Variants in DOCK9 observed in about 807,000 individuals in gnomAD.
DOCK9 encodes dedicator of cytokinesis 9.
In DOCK9, 89 loss-of-function variants were observed where a neutral mutation model predicts 263.3. The ratio of observed to expected loss-of-function variants is 0.34; its 90% CI spans 0.28 to 0.40. DOCK9 has a LOEUF of 0.40. Among genes scored for constraint, DOCK9 ranks in the 10% least tolerant of loss-of-function variants. DOCK9 has a pLI of 1.00. For missense variants in DOCK9, 2,140 were observed against 2,603.4 expected, an observed-to-expected ratio of 0.82 and a Z score of 3.87; for synonymous variants, 976 against 973.1, an observed-to-expected ratio of 1.00 and a Z score of -0.06.
chr13:98,921,898 T>C (rs1206060384), intron 6 of DOCK9, among the ~76,000 whole-genome samples, 153 bp downstream of exon 6: 10 of 152,258 alleles, frequency 6.6e-5, no homozygotes, highest in East Asian at 5.8e-4. Flanking sequence ...GCTGTGCCAA[T>C]GGGGGTGCTA....
intron 1 of DOCK9, among the ~76,000 whole-genome samples, chr13:99,034,356 A>G (rs1181228552): frequency 6.6e-6 from 1 of 152,166 alleles, no homozygotes; most frequent in African/African-American, 2.4e-5. Context: ...TGAAGCTCCC[A>G]GAGATTCCAC....
chr13:98,919,239 AG>A (rs1313625872), intron 7 of DOCK9, among the ~76,000 whole-genome samples: 2 of 151,954 alleles, frequency 1.3e-5, no homozygotes, highest in Admixed American at 6.6e-5. Flanking sequence ...CTTCCCAAGT[AG>A]CTGGGATTAC....
At chr13:98,820,494 T>A (rs1231731860) in intron 45 of DOCK9, among the ~76,000 whole-genome samples, 1 of 152,160 alleles carries the variant, frequency 6.6e-6, no homozygotes, top group African/African-American at 2.4e-5. Context: ...CAGTGCAAAG[T>A]AAAAGCAAGT....
chr13:98,892,725 G>C lies in DOCK9; in HGVS notation c.1710-4014C>G, dbSNP rs1206326302. ...ACTGTAAGCTACTTACGGCATATGA[G>C]GGCAATCACTTTCACAGAGTATGTA... On this transcript the variant is annotated intron_variant, in intron 15 of 52. Transcript: ENST00000682017. Among the ~76,000 whole-genome samples the C allele has an allele frequency of 2.6e-5, 4 of 152,144 alleles. No homozygotes were observed. The South Asian group carries it at 8.3e-4, about 31-fold the overall frequency.
At chr13:99,084,382 T>C (rs1368846244) in intron 1 of DOCK9, among the ~76,000 whole-genome samples, 2 of 152,256 alleles carry the variant, frequency 1.3e-5, no homozygotes, top group Non-Finnish European at 2.9e-5. Context: ...ATTTTGTATC[T>C]GTTCCATCAC....
chr13:99,043,321 C>T (rs1050949262), intron 1 of DOCK9, among the ~76,000 whole-genome samples: 1 of 152,210 alleles, frequency 6.6e-6, no homozygotes, highest in Non-Finnish European at 1.5e-5. Flanking sequence ...TTCCAGCTGG[C>T]CCTGAAGACA....
chr13:98,992,747 T>C (rs529990457), intron 1 of DOCK9, among the ~76,000 whole-genome samples: 29 of 152,294 alleles, frequency 1.9e-4, no homozygotes, highest in African/African-American at 6.7e-4. Flanking sequence ...TAAACCTCTT[T>C]CCTTTATAAA....
chr13:99,024,383 A>C (rs1353646315), intron 1 of DOCK9, among the ~76,000 whole-genome samples: 1 of 152,230 alleles, frequency 6.6e-6, no homozygotes, highest in Non-Finnish European at 1.5e-5. Flanking sequence ...TTTTAGGCAG[A>C]CACCCAAAAA....
intron 1 of DOCK9, among the ~76,000 whole-genome samples, chr13:99,021,305 C>A (rs1886064330): frequency 6.6e-6 from 1 of 152,120 alleles, no homozygotes; most frequent in South Asian, 2.1e-4. Context: ...TCAGATATAG[C>A]AAATTCAAAC....
chr13:98,942,842 C>T (rs975350781), intron 2 of DOCK9, among the ~76,000 whole-genome samples: 4 of 151,964 alleles, frequency 2.6e-5, no homozygotes, highest in Non-Finnish European at 4.4e-5. Flanking sequence ...TGTAGGGAGA[C>T]GTAACACAAT....
chr13:99,042,592 G>A (rs962739255), intron 1 of DOCK9, among the ~76,000 whole-genome samples: 1 of 152,150 alleles, frequency 6.6e-6, no homozygotes, highest in African/African-American at 2.4e-5. Context: ...CTGGTGTAGG[G>A]GCCAGCAATC....
chr13:98,869,592 C>A (rs546452943), intron 27 of DOCK9, among the ~76,000 whole-genome samples: 16 of 152,276 alleles, frequency 1.1e-4, no homozygotes, highest in African/African-American at 3.6e-4. Flanking sequence ...TATTTTCATC[C>A]CCATTTTACA....
intron 18 of DOCK9, 70 bp from the exon 19 acceptor site, chr13:98,886,694 T>A: frequency 7.1e-7 from 1 of 1,404,836 alleles, no homozygotes; most frequent in Non-Finnish European, 1.0e-6. Flanking sequence ...GGATATATCG[T>A]AAAGGAGGAG....
At chr13:98,938,011 G>A (rs1433014183) in intron 2 of DOCK9, among the ~76,000 whole-genome samples, 1 of 152,116 alleles carries the variant, frequency 6.6e-6, no homozygotes, top group African/African-American at 2.4e-5. Context: ...CCGACCCCTG[G>A]GGCCTCTGGC....
chr13:98,957,705 G>A (rs1425402671), intron 1 of DOCK9, among the ~76,000 whole-genome samples: 1 of 151,886 alleles, frequency 6.6e-6, no homozygotes, highest in Admixed American at 6.6e-5. Context: ...AATGCTTGCT[G>A]GCAAAATGAA....
chr13:98,869,026 G>A (rs921425608), intron 27 of DOCK9, among the ~76,000 whole-genome samples: 16 of 152,188 alleles, frequency 1.1e-4, no homozygotes. Context: ...CATTTTTACT[G>A]AGCATCTTTG....
At chr13:99,074,048 A>T (rs1414707237) in intron 1 of DOCK9, among the ~76,000 whole-genome samples, 3 of 152,356 alleles carry the variant, frequency 2.0e-5, no homozygotes, top group South Asian at 2.1e-4. Flanking sequence ...TTTCTATAGC[A>T]ATCCTGTGCC....
intron 1 of DOCK9, among the ~76,000 whole-genome samples, chr13:99,069,545 T>C (rs975248928): frequency 3.3e-5 from 5 of 152,210 alleles, no homozygotes; most frequent in Admixed American, 3.3e-4. Flanking sequence ...CACTGGAAAA[T>C]TCACTGGACC....
intron 15 of DOCK9, among the ~76,000 whole-genome samples, chr13:98,891,798 C>T (rs140918802): frequency 5.4e-4 from 73 of 136,366 alleles, no homozygotes; most frequent in Non-Finnish European, 8.5e-4. Context: ...TTATGTAGCA[C>T]ATGGGCTTTT....
Sources: gnomAD v4.1 joint callset for allele counts (sites outside exome capture counted in the v4.1 genomes callset) on GRCh38, gnomAD v4.1.1 for gene constraint, MANE v1.5 for transcripts, NCBI Gene and HGNC (gene_info 2026-07-23, HGNC 2026-07-21) for gene names.